Variants in PIK3C2G observed in about 807,000 individuals in gnomAD.
PIK3C2G encodes phosphatidylinositol 3-kinase C2 domain-containing subunit gamma.
PIK3C2G carries 168 observed loss-of-function variants against 181.1 expected under a neutral mutation model. The observed-to-expected ratio is 0.93, with a 90% CI of 0.82 to 1.05. The LOEUF is 1.05. Ranked by LOEUF, PIK3C2G falls within the 50% of genes least tolerant of loss-of-function variation. PIK3C2G has a pLI of 0.00. For missense variants in PIK3C2G, 1,869 were observed against 1,732.8 expected (o/e 1.08, Z -1.40); for synonymous variants, 573 against 592.2 (o/e 0.97, Z 0.47).
intron 11 of PIK3C2G, among the ~76,000 whole-genome samples, chr12:18,347,678 G>A (rs777473622): frequency 3.8e-4 from 58 of 152,054 alleles, no homozygotes; most frequent in Non-Finnish European, 7.4e-4. Flanking sequence ...GGGCATGATG[G>A]CACGTGCCTG....
intron 14 of PIK3C2G, among the ~76,000 whole-genome samples, chr12:18,383,631 T>G (rs561523910): frequency 1.3e-5 from 2 of 152,214 alleles, no homozygotes; most frequent in Admixed American, 1.3e-4. Flanking sequence ...AAAGAATAAA[T>G]TATGTGAGGA....
At chr12:18,419,954 C>T (rs1378041584) in intron 16 of PIK3C2G, among the ~76,000 whole-genome samples, 1 of 152,096 alleles carries the variant, frequency 6.6e-6, no homozygotes, top group Admixed American at 6.6e-5. Context: ...TAACCTCCTA[C>T]TGGAAGCCAA....
At chr12:18,312,378 A>G (rs1234613472) in intron 5 of PIK3C2G, among the ~76,000 whole-genome samples, 1 of 152,206 alleles carries the variant, frequency 6.6e-6, no homozygotes, top group Non-Finnish European at 1.5e-5. Flanking sequence ...TGCAGTATCA[A>G]GACTTCAACA....
chr12:18,696,909 C>T, the PIK3C2G span, among the ~76,000 whole-genome samples: 2 of 152,106 alleles, frequency 1.3e-5, no homozygotes, highest in Non-Finnish European at 2.9e-5. Context: ...CTGGGATAAT[C>T]TCTACGTATT....
chr12:18,563,754 C>T (rs1040458740), intron 28 of PIK3C2G, among the ~76,000 whole-genome samples: 6 of 152,044 alleles, frequency 3.9e-5, no homozygotes, highest in Non-Finnish European at 7.4e-5. Context: ...AAAGCTACTT[C>T]GTTTTTCTTC....
At chr12:18,696,210 T>A in the PIK3C2G span, 20 of 1,602,284 alleles carry the variant, frequency 1.2e-5, no homozygotes, top group Middle Eastern at 3.3e-4. Context: ...TCTGCTCTTG[T>A]TGCTTTGGGA....
At chr12:18,711,328 G>A in the PIK3C2G span, among the ~76,000 whole-genome samples, 11 of 130,600 alleles carry the variant, frequency 8.4e-5, no homozygotes, top group Non-Finnish European at 9.3e-5. Context: ...GGTGGGAATT[G>A]AACAATGAGA....
chr12:18,669,661 C>T, the PIK3C2G span, among the ~76,000 whole-genome samples: 2 of 148,620 alleles, frequency 1.3e-5, no homozygotes, highest in Admixed American at 1.3e-4. Flanking sequence ...GTGTCTCTTC[C>T]TCTCTTTTTT....
chr12:18,426,129 A>G (rs1592229770), intron 18 of PIK3C2G, among the ~76,000 whole-genome samples: 2 of 152,324 alleles, frequency 1.3e-5, no homozygotes, highest in East Asian at 3.9e-4. Flanking sequence ...TCATAGATGC[A>G]TCATTTTTGA....
chr12:18,594,480 A>T lies in PIK3C2G; in HGVS notation c.4012-14A>T, dbSNP rs748459941. 1.3e-5 allele frequency: 19 copies of T among 1,494,556 alleles called. No individual in the cohort carries two copies. The highest frequency in any genetic ancestry group is 5.2e-5 in the South Asian group (4 of 76,456). The allele number at this position is 1,494,556 out of a possible 1,614,324, so 92.6% of individuals were successfully genotyped here. A position where few individuals can be genotyped will look rare whatever the true frequency, so the allele number is the denominator to read the frequency against. ...AAGAAATAAAGAAATATTATGTTTC[A>T]TTTTGTTTTTCAGAGTGATTGTGTA... On this transcript the variant is annotated splice_polypyrimidine_tract_variant and intron_variant, in intron 29 of 32. Transcript: ENST00000538779.
chr12:18,504,999 A>G, intron 23 of PIK3C2G, among the ~76,000 whole-genome samples: 1 of 152,220 alleles, frequency 6.6e-6, no homozygotes, highest in East Asian at 1.9e-4. Flanking sequence ...AAATGACACT[A>G]GGAAACCTCT....
intron 29 of PIK3C2G, among the ~76,000 whole-genome samples, chr12:18,586,081 C>T (rs944039866): frequency 3.0e-4 from 45 of 151,932 alleles, no homozygotes; most frequent in African/African-American, 1.0e-3. Context: ...CTCTAAACAC[C>T]CACATCAAAA....
chr12:18,705,700 T>C, the PIK3C2G span, among the ~76,000 whole-genome samples: 1 of 150,794 alleles, frequency 6.6e-6, no homozygotes, highest in Non-Finnish European at 1.5e-5. Context: ...ACCCCATCTC[T>C]ACTAAAATCA....
chr12:18,516,227 A>AT (rs1942530939), intron 24 of PIK3C2G, among the ~76,000 whole-genome samples: 1 of 148,776 alleles, frequency 6.7e-6, no homozygotes, highest in Non-Finnish European at 1.5e-5. Context: ...TGTTTTAAGA[A>AT]TAGCTTTGCT....
intron 29 of PIK3C2G, among the ~76,000 whole-genome samples, chr12:18,568,807 G>A (rs1945775213): frequency 6.6e-6 from 1 of 152,148 alleles, no homozygotes; most frequent in Non-Finnish European, 1.5e-5. Flanking sequence ...AAAACATTGT[G>A]AAGTACAATG....
chr12:18,431,810 CT>C (rs1946174637), intron 18 of PIK3C2G, among the ~76,000 whole-genome samples: 1 of 152,138 alleles, frequency 6.6e-6, no homozygotes, highest in South Asian at 2.1e-4. Flanking sequence ...ATATGTCTCA[CT>C]GACTTTTAAT....
chr12:18,368,410 A>G (rs553104904), intron 12 of PIK3C2G, among the ~76,000 whole-genome samples: 3 of 152,380 alleles, frequency 2.0e-5, no homozygotes, highest in Non-Finnish European at 4.4e-5. Context: ...AATGCATCTT[A>G]GTCAATAGGG....
chr12:18,487,484 C>A (rs996889203), intron 18 of PIK3C2G, among the ~76,000 whole-genome samples: 2 of 151,816 alleles, frequency 1.3e-5, no homozygotes, highest in African/African-American at 2.4e-5. Context: ...GAATGCTAAT[C>A]ATTTTTCAGA....
chr12:18,510,112 G>A (rs895766262), intron 24 of PIK3C2G, among the ~76,000 whole-genome samples: 6 of 152,060 alleles, frequency 3.9e-5, no homozygotes, highest in African/African-American at 7.2e-5. Context: ...TGGGACCAGA[G>A]GCATGCACCA....
Sources: gnomAD v4.1 joint callset for allele counts (sites outside exome capture counted in the v4.1 genomes callset) on GRCh38, gnomAD v4.1.1 for gene constraint, MANE v1.5 for transcripts, NCBI Gene and HGNC (gene_info 2026-07-23, HGNC 2026-07-21) for gene names.